The following CEP72 variants were observed in gnomAD, a reference collection of about 807,000 sequenced individuals.
The protein encoded by CEP72 is centrosomal protein of 72 kDa.
A neutral mutation model predicts 65.7 loss-of-function variants in CEP72; 78 were observed. The observed-to-expected ratio is 1.19, with a 90% CI of 0.99 to 1.43. The LOEUF is 1.43. CEP72 is among the 40% of genes most tolerant of loss of function. The probability of loss-of-function intolerance (pLI) is 0.00; values close to 1 mark genes in which losing one functional copy is unlikely to be tolerated. For missense variants in CEP72, 914 were observed against 832.9 expected (o/e 1.10, Z -1.20); for synonymous variants, 358 against 351.7 (o/e 1.02, Z -0.20).
chr5:643,326 C>T lies in CEP72; in HGVS notation c.1540-973C>T, dbSNP rs1021012829. 26 of 985,354 alleles carry T rather than the reference C, an allele frequency of 2.6e-5. No individual in the cohort carries two copies. In the Admixed American group the frequency reaches 4.9e-4, roughly 19 times the overall value. 61.0% of individuals were successfully genotyped at this position (985,354 alleles called of 1,614,324 possible). On this transcript the variant is annotated intron_variant, in intron 9 of 11. Transcript: ENST00000264935. The stretch of plus-strand genomic sequence containing the variant: ...GAGCTTTCTGGACGACCCAAAGCCC[C>T]GCGCGGAGGGCAGGTCATGCTGGTT...
chr5:664,835 G>T (rs1007772445), intron 2 of CEP72: 1 of 487,254 alleles, frequency 2.1e-6, no homozygotes, highest in African/African-American at 1.9e-5. Context: ...GGTGTGATCC[G>T]CGAGACACTT....
rs1340759267 is a variant in CEP72 at position 637,692 on chromosome 5, C to T, written c.1080C>T (p.Ser360=). The change falls in exon 7 of 12, where the codon TCC becomes TCT. Residue 360 remains serine, a synonymous_variant. Coordinates refer to ENST00000264935, the MANE Select transcript of CEP72 (RefSeq NM_018140.4). Reference sequence around the variant, plus strand: ...GCTGCCCGGAGAGAACTCATGGGTCCTCCGTGCCCAAGGAGAGCCTGAGCA... The same window carrying T: ...GCTGCCCGGAGAGAACTCATGGGTCTTCCGTGCCCAAGGAGAGCCTGAGCA... The part of the protein sequence containing the change: ...GLGCPERTHG[S]SVPKESLSRQ... 8 of 1,613,740 alleles carry T rather than the reference C, an allele frequency of 5.0e-6. No individual in the cohort carries two copies. Among genetic ancestry groups the T allele is most frequent in the Non-Finnish European group, 6.8e-6 (8 of 1,180,042 alleles).
chr5:656,108 G>A (rs1198454410), downstream of CEP72, among the ~76,000 whole-genome samples: 1 of 152,170 alleles, frequency 6.6e-6, no homozygotes, highest in East Asian at 1.9e-4. Context: ...TGAAGCTTAA[G>A]GATCCAGTTT....
chr5:659,442 A>G (rs576714535), downstream of CEP72, among the ~76,000 whole-genome samples: 5 of 152,292 alleles, frequency 3.3e-5, no homozygotes, highest in East Asian at 7.7e-4. Flanking sequence ...TTCTCTTTTC[A>G]TTGTCCAAAA....
chr5:654,062 T>TGTGCTGTGTGTGC (rs1739280317), downstream of CEP72, among the ~76,000 whole-genome samples: 1 of 140,392 alleles, frequency 7.1e-6, no homozygotes, highest in Admixed American at 7.1e-5. Flanking sequence ...GCTGTGTGTG[T>TGTGCTGTGTGTGC]GTGCTGTGTG....
rs912367491 is a variant in CEP72 at position 612,509 on chromosome 5, G to C, written c.82+66G>C. On this transcript the variant is annotated intron_variant, in intron 1 of 11. Transcript: ENST00000264935. The stretch of plus-strand genomic sequence containing the variant: ...GGGGGGGTGGGTGCCGAGCTTCCCG[G>C]GGCGGCGGCGGACCGTGGGCAGGCG... 2.4e-5 allele frequency: 32 copies of C among 1,338,660 alleles called. No homozygotes were observed. In the African/African-American group the frequency reaches 3.8e-4, roughly 16 times the overall value. The allele number at this position is 1,338,660 out of a possible 1,614,324, so 82.9% of individuals were successfully genotyped here. A position where few individuals can be genotyped will look rare whatever the true frequency, so the allele number is the denominator to read the frequency against.
intron 7 of CEP72, among the ~76,000 whole-genome samples, chr5:638,603 C>G (rs1737786626): frequency 6.6e-6 from 1 of 151,974 alleles, no homozygotes; most frequent in Non-Finnish European, 1.5e-5. Context: ...TGTTTGACGT[C>G]CCCGGCAGGT....
chr5:637,592 C>T lies in CEP72; in HGVS notation c.980C>T (p.Pro327Leu), dbSNP rs750244300. 16 of 1,613,976 alleles carry T rather than the reference C, an allele frequency of 9.9e-6. No individual in the cohort carries two copies. Among genetic ancestry groups the T allele is most frequent in the East Asian group, 2.2e-5 (1 of 44,902 alleles). ...GGAGAAATGGTGCCTGGTCCCCTGC[C>T]AGCCCCCGGAAAGTGCAGGAAGCGA... is the stretch of plus-strand genomic sequence containing the variant. ...LSGEMVPGPL[P>L]APGKCRKRRM... Residue 327 changes from proline (P) to leucine (L), a missense_variant, in exon 7 of 12, where the codon CCA becomes CTA. Physicochemically the swap from Pro to Leu is moderately conservative, Grantham distance 98. Coordinates refer to ENST00000264935, the MANE Select transcript of CEP72 (RefSeq NM_018140.4).
downstream of CEP72, among the ~76,000 whole-genome samples, chr5:669,297 G>T (rs887454658): frequency 6.6e-6 from 1 of 152,058 alleles, no homozygotes; most frequent in African/African-American, 2.4e-5. Context: ...AGCCGGAGGT[G>T]CCCTGGGCAG....
chr5:660,203 A>G (rs1739526130), downstream of CEP72: 1 of 105,222 alleles, frequency 9.5e-6, no homozygotes, highest in South Asian at 3.0e-4. Flanking sequence ...AATATATTGC[A>G]CATATATATA....
chr5:645,963 G>A lies in CEP72; in HGVS notation c.1666+1538G>A, dbSNP rs1029715012. Among the ~76,000 whole-genome samples, 5 of 151,816 alleles carry A rather than the reference G, an allele frequency of 3.3e-5. No homozygotes were observed. Among genetic ancestry groups the A allele is most frequent in the Admixed American group, 6.6e-5 (1 of 15,246 alleles). Reference sequence around the variant, plus strand: ...GAGCGTCACTCCTGCTCCCGTTGGCGCCCTGTGTGGATGGTGAATTCGGCT... The same window carrying A: ...GAGCGTCACTCCTGCTCCCGTTGGCACCCTGTGTGGATGGTGAATTCGGCT... On this transcript the variant is annotated intron_variant, in intron 10 of 11. Transcript: ENST00000264935. The surrounding 1 kb of genome is among the most constrained non-coding windows in gnomAD (Gnocchi z 4.0).
chr5:641,569 C>A, intron 9 of CEP72: 9 of 985,382 alleles, frequency 9.1e-6, no homozygotes, highest in Non-Finnish European at 8.4e-6. Flanking sequence ...TTTAAACGCA[C>A]GTGGCCCCCC....
chr5:615,092 C>T (rs565240076), intron 1 of CEP72, among the ~76,000 whole-genome samples: 6 of 147,316 alleles, frequency 4.1e-5, no homozygotes, highest in African/African-American at 1.5e-4. Context: ...GATTTTTATA[C>T]CTTCTTAGTG....
At chr5:632,948 T>G (rs56736951) in intron 4 of CEP72, among the ~76,000 whole-genome samples, 2 of 99,684 alleles carry the variant, frequency 2.0e-5, no homozygotes, top group South Asian at 4.0e-4. Flanking sequence ...CTGGTGGGGT[T>G]CTGTCCAGTG....
At chr5:629,092 C>T (rs907952515) in intron 4 of CEP72, among the ~76,000 whole-genome samples, 3 of 152,240 alleles carry the variant, frequency 2.0e-5, no homozygotes, top group African/African-American at 4.8e-5. Flanking sequence ...ACAAAAGCAG[C>T]GTTCCTGGTC....
At chr5:668,111 C>T (rs139528526), downstream of CEP72, among the ~76,000 whole-genome samples, 2 of 39,712 alleles carry the variant, frequency 5.0e-5, 1 homozygote, top group Non-Finnish European at 9.0e-5. Flanking sequence ...AGGGAAGTAC[C>T]GACAAGCACA....
At position 641,961 on chromosome 5, in the gene CEP72, CGTG is replaced by C. The variant is rs1279046223; in HGVS notation, c.1539+1360_1539+1362del. 3.3e-6 allele frequency: 3 copies of C among 912,524 alleles called. No homozygotes were observed. The Admixed American group carries it at 2.2e-4, about 67-fold the overall frequency. 56.5% of individuals were successfully genotyped at this position (912,524 alleles called of 1,614,324 possible). A position where few individuals can be genotyped will look rare whatever the true frequency, so the allele number is the denominator to read the frequency against. ...CCAGAAGCCTCTGCATTTGAACACA[CGTG>C]GTCCCCCGTCTAGAAGCCTGTGCAT... On this transcript the variant is annotated intron_variant, in intron 9 of 11. Coordinates refer to ENST00000264935, the MANE Select transcript of CEP72 (RefSeq NM_018140.4).
Position 616,191 on chromosome 5 carries a change from G to A in CEP72, c.83-2799G>A, listed in dbSNP as rs375875248. On this transcript the variant is annotated intron_variant, in intron 1 of 11. Coordinates refer to ENST00000264935, the MANE Select transcript of CEP72 (RefSeq NM_018140.4). ...TTTTTTCAGCAGTTGTCTTAGGGCA[G>A]GTCTGCTTGTGACAGATTCTCTTAG... Among the ~76,000 whole-genome samples the A allele has an allele frequency of 2.0e-5, 3 of 152,038 alleles. No homozygotes were observed. The South Asian group carries it at 6.2e-4, about 32-fold the overall frequency.
At chr5:618,732 G>T (rs1184380274) in intron 1 of CEP72, among the ~76,000 whole-genome samples, 3 of 152,186 alleles carry the variant, frequency 2.0e-5, no homozygotes, top group Non-Finnish European at 4.4e-5. Context: ...AGAGGCCAGG[G>T]TGAGCAGACA....
Sources: allele counts gnomAD v4.1 joint callset (sites outside exome capture counted in the v4.1 genomes callset), GRCh38; gene constraint gnomAD v4.1.1; non-coding constraint Gnocchi (gnomAD v3.1); transcripts MANE v1.5; gene names NCBI Gene and HGNC (gene_info 2026-07-23, HGNC 2026-07-21).